SLC1A3: variants seen among roughly 807,000 people sequenced by gnomAD.
The protein encoded by SLC1A3 is excitatory amino acid transporter 1.
Under a neutral mutation model 48.1 loss-of-function variants are expected in SLC1A3, and 21 were observed. That is an observed-to-expected ratio of 0.44 (90% CI 0.31 to 0.63). The LOEUF is 0.63. Ranked by LOEUF, SLC1A3 falls within the 20% of genes least tolerant of loss-of-function variation. The pLI is 0.08. For missense variants in SLC1A3, 546 were observed against 689.0 expected (o/e 0.79, Z 2.32); for synonymous variants, 239 against 251.4 (o/e 0.95, Z 0.47).
chr5:36,621,767 G>C (rs1739682486), intron 2 of SLC1A3, among the ~76,000 whole-genome samples: 1 of 152,184 alleles, frequency 6.6e-6, no homozygotes, highest in Non-Finnish European at 1.5e-5. Context: ...GATAGAAGCA[G>C]CCTGGTAAGG....
At chr5:36,617,358 T>C (rs1017538158) in intron 2 of SLC1A3, among the ~76,000 whole-genome samples, 2 of 142,362 alleles carry the variant, frequency 1.4e-5, no homozygotes, top group Admixed American at 1.4e-4. Context: ...CCAGCAAAAA[T>C]ATTGCAGAAA....
rs1741418228 is a variant in SLC1A3, at chr5:36,659,464, A to AT, written c.320-11563dup. ...AAACATCACTGTCATCATGCCACAT[A>AT]TTATTAAGGCATCACGTATGTTAAT... On this transcript the variant is annotated intron_variant, in intron 3 of 9. Transcript: ENST00000265113. Among the ~76,000 whole-genome samples, 3 of 152,326 alleles carry AT rather than the reference A, an allele frequency of 2.0e-5. No individual in the cohort carries two copies. The South Asian group carries it at 6.2e-4, about 32-fold the overall frequency.
At chr5:36,621,460 T>C (rs536896609) in intron 2 of SLC1A3, among the ~76,000 whole-genome samples, 1 of 151,084 alleles carries the variant, frequency 6.6e-6, no homozygotes, top group African/African-American at 2.4e-5. Flanking sequence ...AGAGGAGGAG[T>C]CAGTGGAGGG....
chr5:36,663,675 T>G (rs1357709517), intron 3 of SLC1A3, among the ~76,000 whole-genome samples: 1 of 152,322 alleles, frequency 6.6e-6, no homozygotes, highest in South Asian at 2.1e-4. Flanking sequence ...TAAGGAACAC[T>G]TGGTGTTTTC....
At chr5:36,608,940 T>C (rs775386449) in intron 2 of SLC1A3, 10 of 1,041,700 alleles carry the variant, frequency 9.6e-6, no homozygotes, top group Non-Finnish European at 1.2e-5. Context: ...TTGGCCAAAA[T>C]GTAATTATAT....
intron 2 of SLC1A3, among the ~76,000 whole-genome samples, chr5:36,609,483 T>C (rs1362301344): frequency 2.0e-5 from 3 of 152,218 alleles, no homozygotes; most frequent in African/African-American, 7.2e-5. Context: ...AAAAGAGGCA[T>C]TCAGTACCGT....
intron 2 of SLC1A3, among the ~76,000 whole-genome samples, chr5:36,617,817 TTCCAG>T (rs1476253735): frequency 6.6e-6 from 1 of 152,204 alleles, no homozygotes; most frequent in African/African-American, 2.4e-5. Context: ...CTTCGGTTGT[TTCCAG>T]TCTTTAGACA....
intron 8 of SLC1A3, 127 bp downstream of exon 8, chr5:36,680,716 A>C (rs1742408521): frequency 1.2e-5 from 9 of 780,906 alleles, no homozygotes; most frequent in Non-Finnish European, 1.6e-5. Context: ...CCAGGAGTTC[A>C]AGACTAGCCT....
In SLC1A3 at chr5:36,618,201, G is replaced by A. The variant is rs187547954; in HGVS notation, c.181+9597G>A. On this transcript the variant is annotated intron_variant, in intron 2 of 9. Transcript: ENST00000265113. The stretch of plus-strand genomic sequence containing the variant: ...ATTTAATCCATATACAACACCCAAA[G>A]CTTTAATTTGTATGTTACATTCAAC... Among the ~76,000 whole-genome samples, 521 of 152,242 alleles carry A rather than the reference G, an allele frequency of 3.4e-3. 3 individuals are homozygous for A. The highest frequency in any genetic ancestry group is 0.012 in the African/African-American group (496 of 41,542).
At chr5:36,679,366 T>G (rs907966013) in intron 6 of SLC1A3, among the ~76,000 whole-genome samples, 4 of 152,104 alleles carry the variant, frequency 2.6e-5, no homozygotes, top group African/African-American at 9.7e-5. Flanking sequence ...GAGAAAAACA[T>G]TGTGTCCTAG....
At chr5:36,651,091 T>C (rs188107628) in intron 3 of SLC1A3, among the ~76,000 whole-genome samples, 2 of 138,492 alleles carry the variant, frequency 1.4e-5, no homozygotes, top group African/African-American at 5.6e-5. Flanking sequence ...TGATGGGGAA[T>C]GCAGCTATTC....
At chr5:36,668,975 G>A (rs933918445) in intron 3 of SLC1A3, 28 of 152,150 alleles carry the variant, frequency 1.8e-4, no homozygotes, top group African/African-American at 6.8e-4. Context: ...GTGGGCAGGA[G>A]CATCAGAGAA....
In SLC1A3 at chr5:36,687,251, A is replaced by C. The variant is rs933273796; in HGVS notation, c.*982A>C. 3.3e-5 allele frequency: 5 copies of C among 152,238 alleles called. No individual in the cohort carries two copies. Among genetic ancestry groups the C allele is most frequent in the African/African-American group, 1.2e-4 (5 of 41,450 alleles). 9.4% of individuals were successfully genotyped at this position (152,238 alleles called of 1,614,324 possible). On this transcript the variant is annotated 3_prime_UTR_variant, in exon 10 of 10. Coordinates refer to ENST00000265113, the MANE Select transcript of SLC1A3 (RefSeq NM_004172.5). ...ACTCCTCAACTGATGATAGACTTCG[A>C]AAACAGATGAGAAGACTAGCAGCTA...
At chr5:36,659,764 C>A (rs1741431180) in intron 3 of SLC1A3, among the ~76,000 whole-genome samples, 1 of 152,170 alleles carries the variant, frequency 6.6e-6, no homozygotes, top group Non-Finnish European at 1.5e-5. Context: ...ATAAATACAT[C>A]AAAGGCTTAA....
intron 3 of SLC1A3, among the ~76,000 whole-genome samples, chr5:36,660,717 C>T (rs1294345069): frequency 1.3e-5 from 2 of 152,238 alleles, no homozygotes; most frequent in African/African-American, 2.4e-5. Context: ...CAATCTCCCA[C>T]TCCCTAGGTG....
At chr5:36,614,245 A>G (rs1314717824) in intron 2 of SLC1A3, among the ~76,000 whole-genome samples, 1 of 152,224 alleles carries the variant, frequency 6.6e-6, no homozygotes, top group Non-Finnish European at 1.5e-5. Context: ...TAAACCCCAC[A>G]TCTTTTATTT....
chr5:36,601,595 T>A (rs1738808037), upstream of SLC1A3, among the ~76,000 whole-genome samples: 1 of 152,086 alleles, frequency 6.6e-6, no homozygotes, highest in Non-Finnish European at 1.5e-5. Context: ...TGACTTGACT[T>A]CCTCATTCAT....
intron 6 of SLC1A3, among the ~76,000 whole-genome samples, chr5:36,678,728 T>C (rs574178648): frequency 1.2e-4 from 18 of 152,328 alleles, no homozygotes; most frequent in African/African-American, 4.3e-4. Flanking sequence ...AAGCAAACTC[T>C]AGGTTATTTC....
intron 3 of SLC1A3, among the ~76,000 whole-genome samples, chr5:36,656,030 T>C (rs1487860516): frequency 6.6e-6 from 1 of 152,164 alleles, no homozygotes; most frequent in Non-Finnish European, 1.5e-5. Flanking sequence ...CTGAGAACAT[T>C]GGTGTTGCAG....
Sources: allele counts gnomAD v4.1 joint callset (sites outside exome capture counted in the v4.1 genomes callset), GRCh38; gene constraint gnomAD v4.1.1; transcripts MANE v1.5; gene names NCBI Gene and HGNC (gene_info 2026-07-23, HGNC 2026-07-21).